Variants in TMEM161B observed in about 807,000 individuals in gnomAD.
TMEM161B encodes the protein transmembrane protein 161B.
TMEM161B carries 34 observed loss-of-function variants against 61.8 expected under a neutral mutation model. That is an observed-to-expected ratio of 0.55 (90% CI 0.42 to 0.73). TMEM161B has a LOEUF of 0.73. TMEM161B is among the 30% of genes least tolerant of loss of function. TMEM161B has a pLI of 0.00. For missense variants in TMEM161B, 456 were observed against 558.5 expected (o/e 0.82, Z 1.85); for synonymous variants, 167 against 192.8 (o/e 0.87, Z 1.11).
intron 6 of TMEM161B, 24 bp from the exon 7 acceptor site, chr5:88,206,523 A>AAAAATC: frequency 6.8e-7 from 1 of 1,476,302 alleles, no homozygotes; most frequent in Non-Finnish European, 9.2e-7. Context: ...AAAAAAAAAC[A>AAAAATC]ACAGATTACT....
downstream of TMEM161B, among the ~76,000 whole-genome samples, chr5:88,192,047 A>C (rs559137931): frequency 0.022 from 1,542 of 70,650 alleles, 77 homozygotes; most frequent in South Asian, 0.035. Context: ...CACACATTTA[A>C]TGTAAATTCA....
At chr5:88,225,037 G>T (rs1469082678) in intron 4 of TMEM161B, among the ~76,000 whole-genome samples, 1 of 139,486 alleles carries the variant, frequency 7.2e-6, no homozygotes, top group Non-Finnish European at 1.5e-5. Flanking sequence ...GTGCGATCTC[G>T]GCTCACTGCA....
chr5:88,254,467 A>T (rs410354), intron 1 of TMEM161B, among the ~76,000 whole-genome samples: 109,408 of 152,060 alleles, frequency 0.72, 39,505 homozygotes, highest in South Asian at 0.78. Context: ...CAAAAGAGGA[A>T]CATAGAATTG....
chr5:88,200,218 C>T (rs1446147308), intron 9 of TMEM161B: 1 of 151,928 alleles, frequency 6.6e-6, no homozygotes, highest in African/African-American at 2.4e-5. Flanking sequence ...ACTATATATA[C>T]TCTCTCATTT....
intron 4 of TMEM161B, among the ~76,000 whole-genome samples, chr5:88,222,838 CAAT>C (rs1749251243): frequency 6.6e-6 from 1 of 151,990 alleles, no homozygotes; most frequent in South Asian, 2.1e-4. Context: ...CTTGTGTAAT[CAAT>C]AATACAATTA....
At chr5:88,256,374 G>A (rs1754985310) in intron 1 of TMEM161B, among the ~76,000 whole-genome samples, 2 of 152,176 alleles carry the variant, frequency 1.3e-5, no homozygotes, top group South Asian at 2.1e-4. Context: ...AGGTTCAATG[G>A]AAGAAAGCTT....
chr5:88,227,649 T>C (rs1468035163), intron 3 of TMEM161B, among the ~76,000 whole-genome samples: 1 of 152,226 alleles, frequency 6.6e-6, no homozygotes, highest in Non-Finnish European at 1.5e-5. Flanking sequence ...AATCATTTTT[T>C]AGCTTCTATA....
intron 2 of TMEM161B, among the ~76,000 whole-genome samples, chr5:88,228,819 T>C (rs549533648): frequency 6.6e-6 from 1 of 152,300 alleles, no homozygotes; most frequent in East Asian, 1.9e-4. Context: ...TACAGGCTTA[T>C]TATTAAAAGT....
At chr5:88,202,885 G>A (rs1375899796) in intron 9 of TMEM161B, 77 bp downstream of exon 9, 12 of 980,388 alleles carry the variant, frequency 1.2e-5, no homozygotes, top group Middle Eastern at 2.2e-4. Flanking sequence ...TTTTATCACT[G>A]AAAACGAAAT....
chr5:88,190,196 T>C (rs1383100279), downstream of TMEM161B: 2 of 701,034 alleles, frequency 2.9e-6, no homozygotes, highest in Non-Finnish European at 5.2e-6. Context: ...GCTGGAGATC[T>C]TCAAAGGGGG....
At chr5:88,212,212 T>A (rs1417927693) in intron 5 of TMEM161B, among the ~76,000 whole-genome samples, 3 of 152,134 alleles carry the variant, frequency 2.0e-5, no homozygotes, top group Non-Finnish European at 4.4e-5. Context: ...ACCAACCAAA[T>A]GCCAACAGAA....
At chr5:88,264,784 G>A (rs964605989) in intron 1 of TMEM161B, among the ~76,000 whole-genome samples, 2 of 152,152 alleles carry the variant, frequency 1.3e-5, no homozygotes, top group Non-Finnish European at 2.9e-5. Context: ...CATGTCCTTT[G>A]CAGGGACATG....
At chr5:88,245,695 A>C (rs1753506781) in intron 1 of TMEM161B, among the ~76,000 whole-genome samples, 1 of 152,018 alleles carries the variant, frequency 6.6e-6, no homozygotes, top group Non-Finnish European at 1.5e-5. Flanking sequence ...TGGAAGATAC[A>C]TATGAGGCAG....
In TMEM161B at chr5:88,195,427, A is replaced by G. The variant is rs1465602477; in HGVS notation, c.*784T>C. Reference sequence around the variant, plus strand: ...AGCAGGTTTACAAAGTAATTTCTTTAAAGTCTGATCAGTATTGATAAATAT... The same window carrying G: ...AGCAGGTTTACAAAGTAATTTCTTTGAAGTCTGATCAGTATTGATAAATAT... On this transcript the variant is annotated 3_prime_UTR_variant, in exon 12 of 12. Coordinates refer to ENST00000296595, the MANE Select transcript of TMEM161B (RefSeq NM_153354.5). 2.1e-6 allele frequency: 2 copies of G among 950,492 alleles called. No individual in the cohort carries two copies. Among genetic ancestry groups the G allele is most frequent in the African/African-American group, 3.6e-5 (2 of 56,216 alleles). The allele number at this position is 950,492 out of a possible 1,614,324, so 58.9% of individuals were successfully genotyped here.
downstream of TMEM161B, among the ~76,000 whole-genome samples, chr5:88,190,902 T>A (rs1748759678): frequency 6.6e-6 from 1 of 152,228 alleles, no homozygotes; most frequent in Non-Finnish European, 1.5e-5. Flanking sequence ...TGTACATTAT[T>A]CTTTTATTAC....
intron 1 of TMEM161B, among the ~76,000 whole-genome samples, chr5:88,246,533 A>C (rs1016337470): frequency 3.9e-5 from 6 of 151,972 alleles, no homozygotes; most frequent in African/African-American, 1.4e-4. Flanking sequence ...TGACAATTAC[A>C]GTGTACATGC....
At chr5:88,225,632 T>A in intron 4 of TMEM161B, 137 bp downstream of exon 4, 1 of 508,222 alleles carries the variant, frequency 2.0e-6, no homozygotes, top group Non-Finnish European at 3.4e-6. Context: ...TTAATTCAAA[T>A]GAAGTCATTT....
chr5:88,195,632 T>C lies in TMEM161B; in HGVS notation c.*579A>G. 1.0e-6 allele frequency: 1 copy of C among 984,928 alleles called. No homozygotes were observed. Among genetic ancestry groups the C allele is most frequent in the Non-Finnish European group, 1.2e-6 (1 of 829,140 alleles). The allele number at this position is 984,928 out of a possible 1,614,324, so 61.0% of individuals were successfully genotyped here. A position where few individuals can be genotyped will look rare whatever the true frequency, so the allele number is the denominator to read the frequency against. ...ATTCTCAAGCAGCAGTAGTTATATATTTTAACCATATTCATCTCCATTAAA... is the reference window on the plus strand; with the variant it reads ...ATTCTCAAGCAGCAGTAGTTATATACTTTAACCATATTCATCTCCATTAAA... On this transcript the variant is annotated 3_prime_UTR_variant, in exon 12 of 12. Transcript: ENST00000296595.
chr5:88,220,706 A>C lies in TMEM161B; in HGVS notation c.303T>G (p.Phe101Leu). 1 of 1,500,958 alleles carries C rather than the reference A, an allele frequency of 6.7e-7. No homozygotes were observed. Among genetic ancestry groups the C allele is most frequent in the Admixed American group, 2.1e-5 (1 of 47,688 alleles). 93.0% of individuals were successfully genotyped at this position (1,500,958 alleles called of 1,614,324 possible). Residue 101 changes from phenylalanine to leucine, a missense_variant, in exon 5 of 12, where the codon TTT becomes TTG. This residue lies in a region of TMEM161B where 4 missense variants were observed against 20.1 expected (regional missense o/e 0.20). Transcript: ENST00000296595. ...TEVDTLALHY[F>L]PEYQWLVDFT... ...AATCCACCAGCCACTGGTATTCTGG[A>C]AAGTAATGCAATGCTGGAAAGAAAA...
Sources: allele counts gnomAD v4.1 joint callset (sites outside exome capture counted in the v4.1 genomes callset), GRCh38; gene constraint gnomAD v4.1.1; regional missense constraint gnomAD v4.1.1; transcripts MANE v1.5; gene names NCBI Gene and HGNC (gene_info 2026-07-23, HGNC 2026-07-21).